The following RB1CC1 variants were observed in gnomAD, a reference collection of about 807,000 sequenced individuals.
The protein encoded by RB1CC1 is RB1 inducible coiled-coil 1.
In RB1CC1, 46 loss-of-function variants were observed where a neutral mutation model predicts 177.5. The observed-to-expected ratio is 0.26, with a 90% confidence interval of 0.20 to 0.33. The LOEUF is 0.33. Among genes scored for constraint, RB1CC1 ranks in the 10% least tolerant of loss-of-function variants. The pLI, the probability that RB1CC1 is intolerant of heterozygous loss-of-function variation, is 1.00. For missense variants in RB1CC1, 1,703 were observed against 1,816.3 expected, an observed-to-expected ratio of 0.94 and a Z score of 1.13; for synonymous variants, 666 against 613.6, an observed-to-expected ratio of 1.09 and a Z score of -1.26.
chr8:52,707,882 T>C (rs1486747683), intron 1 of RB1CC1, among the ~76,000 whole-genome samples: 1 of 152,196 alleles, frequency 6.6e-6, no homozygotes, highest in Admixed American at 6.5e-5. Flanking sequence ...AATTTACTTG[T>C]ATTTGAATAC....
Position 52,622,667 on chromosome 8 carries a change from C to T in RB1CC1, c.*1115G>A, listed in dbSNP as rs1848137554. On this transcript the variant is annotated 3_prime_UTR_variant, in exon 24 of 24. Coordinates refer to ENST00000025008, the MANE Select transcript of RB1CC1 (RefSeq NM_014781.5). ...AACAATTCTCATCCAACTCAACTAA[C>T]TCATTTAAATAACTTTGCTCAATGG... 1 of 152,034 alleles carries T rather than the reference C, an allele frequency of 6.6e-6. No homozygotes were observed. The highest frequency in any genetic ancestry group is 1.9e-4 in the East Asian group (1 of 5,198). The allele number at this position is 152,034 out of a possible 1,614,324, so 9.4% of individuals were successfully genotyped here.
intron 3 of RB1CC1, 140 bp from the exon 4 acceptor site, chr8:52,684,153 A>G: frequency 1.0e-6 from 1 of 1,003,016 alleles, no homozygotes; most frequent in Non-Finnish European, 1.4e-6. Flanking sequence ...ATAAAAATAT[A>G]AGCTTCCTAT....
chr8:52,652,459 CAAAA>C (rs35615959), intron 15 of RB1CC1, among the ~76,000 whole-genome samples: 3 of 92,676 alleles, frequency 3.2e-5, no homozygotes, highest in Admixed American at 1.1e-4. Context: ...GACTCTGTCT[CAAAA>C]AAAAAAAAAA....
chr8:52,639,766 T>C (rs79257319), intron 18 of RB1CC1, among the ~76,000 whole-genome samples: 34,875 of 152,032 alleles, frequency 0.23, 4,300 homozygotes, highest in Middle Eastern at 0.31. Context: ...TGGTTAGGTA[T>C]TGTACTGTTT....
intron 5 of RB1CC1, among the ~76,000 whole-genome samples, chr8:52,680,968 TTGTGTGTG>T (rs34048284): frequency 4.6e-5 from 6 of 131,066 alleles, no homozygotes; most frequent in Admixed American, 2.4e-4. Context: ...TTGTGGGGTT[TTGTGTGTG>T]TGTGTGTGTG....
Position 52,657,244 on chromosome 8 carries a change from T to C in RB1CC1, c.2585A>G (p.Lys862Arg). The C allele has an allele frequency of 1.3e-6, 2 of 1,595,196 alleles. No homozygotes were observed. The highest frequency in any genetic ancestry group is 1.1e-5 in the South Asian group (1 of 89,830). ...KCSLEITLKE[K>R]HQKELLSLKN... ...TAAAGACAGTAGTTCTTTTTGATGTTTTTCTTTTAGTGTTATTTCCAGAGA... is the reference window on the plus strand; with the variant it reads ...TAAAGACAGTAGTTCTTTTTGATGTCTTTCTTTTAGTGTTATTTCCAGAGA... Residue 862 changes from lysine to arginine, a missense_variant, in exon 15 of 24, where the codon AAA becomes AGA. Physicochemically the swap from Lys to Arg is conservative, Grantham distance 26. This residue lies in a region of RB1CC1 where 1,169 missense variants were observed against 1,184.7 expected (regional missense o/e 0.99). Transcript: ENST00000025008.
intron 16 of RB1CC1, among the ~76,000 whole-genome samples, chr8:52,644,658 C>A (rs1453825763): frequency 6.6e-6 from 1 of 152,100 alleles, no homozygotes; most frequent in Non-Finnish European, 1.5e-5. Context: ...GTGCTTTTCT[C>A]ATTCCCTTTT....
At chr8:52,624,692 T>C in intron 23 of RB1CC1, 25 bp downstream of exon 23, 1 of 1,532,090 alleles carries the variant, frequency 6.5e-7, no homozygotes, top group Non-Finnish European at 9.0e-7. Context: ...TTCCCAGGCT[T>C]AGTATCACAT....
At chr8:52,664,601 C>A (rs1357648917) in intron 8 of RB1CC1, among the ~76,000 whole-genome samples, 5 of 152,050 alleles carry the variant, frequency 3.3e-5, no homozygotes, top group Admixed American at 2.0e-4. Context: ...GAGCACAAGA[C>A]AACAAAAACT....
intron 15 of RB1CC1, among the ~76,000 whole-genome samples, chr8:52,647,224 C>A (rs1298748300): frequency 6.6e-6 from 1 of 152,112 alleles, no homozygotes; most frequent in Non-Finnish European, 1.5e-5. Context: ...AACCTTTCCT[C>A]CAAAGGGATA....
chr8:52,680,997 T>TGTGG (rs1554548540), intron 5 of RB1CC1, among the ~76,000 whole-genome samples: 1 of 146,316 alleles, frequency 6.8e-6, no homozygotes. Context: ...TGTGTGTGTT[T>TGTGG]TTTTTTTTTT....
intron 18 of RB1CC1, among the ~76,000 whole-genome samples, chr8:52,637,507 T>G (rs201532056): frequency 6.6e-6 from 1 of 152,080 alleles, no homozygotes; most frequent in Non-Finnish European, 1.5e-5. Flanking sequence ...CCAGCTCCAA[T>G]TGATTTTTGC....
rs146902428 is a variant in RB1CC1 at position 52,640,479 on chromosome 8, T to A, written c.4337+1872A>T. On this transcript the variant is annotated intron_variant, in intron 18 of 23. Transcript: ENST00000025008. ...TCACACTGTAAACCATAAATATGTA[T>A]AATTTATGTGTCAATCAAAAAAGCC... 9.1e-3 allele frequency among the ~76,000 whole-genome samples: 1,390 copies of A among 152,352 alleles called. 19 individuals carry two copies. Among genetic ancestry groups the A allele is most frequent in the African/African-American group, 0.032 (1,322 of 41,582 alleles).
Position 52,685,455 on chromosome 8 carries a change from T to A in RB1CC1, c.15A>T (p.Val5=), listed in dbSNP as rs759472217. The A allele has an allele frequency of 6.3e-7, 1 of 1,591,348 alleles. No homozygotes were observed. Among genetic ancestry groups the A allele is most frequent in the Non-Finnish European group, 8.6e-7 (1 of 1,163,126 alleles). ...GAGTAGTTCCAGTGTTAACCAGAAATACATATAACTTCATGATGATTTATC... is the reference window on the plus strand; with the variant it reads ...GAGTAGTTCCAGTGTTAACCAGAAAAACATATAACTTCATGATGATTTATC... MKLY[V]FLVNTGTTLT... Residue 5 remains valine, a synonymous_variant, in exon 3 of 24, where the codon GTA becomes GTT. Transcript: ENST00000025008.
intron 1 of RB1CC1, among the ~76,000 whole-genome samples, chr8:52,698,670 G>GTTTTTTTTTTTTTTTTTT (rs1183407164): frequency 2.6e-5 from 2 of 77,400 alleles, no homozygotes; most frequent in Non-Finnish European, 2.4e-5. Context: ...GTAATGGTTG[G>GTTTTTTTTTTTTTTTTTT]TTTTTTTTTT....
At chr8:52,652,538 T>A (rs1371490287) in intron 15 of RB1CC1, among the ~76,000 whole-genome samples, 2 of 151,978 alleles carry the variant, frequency 1.3e-5, no homozygotes, top group African/African-American at 4.8e-5. Flanking sequence ...TTCAATTTCT[T>A]GCCATTAATT....
At chr8:52,711,091 G>C (rs544073025) in intron 1 of RB1CC1, among the ~76,000 whole-genome samples, 2 of 151,892 alleles carry the variant, frequency 1.3e-5, no homozygotes, top group Non-Finnish European at 2.9e-5. Flanking sequence ...GCAAACTAAC[G>C]GGTAGAAAAA....
chr8:52,645,747 A>G lies in RB1CC1; in HGVS notation c.3942T>C (p.Asn1314=). 1 of 1,612,852 alleles carries G rather than the reference A, an allele frequency of 6.2e-7. No homozygotes were observed. Among genetic ancestry groups the G allele is most frequent in the South Asian group, 1.1e-5 (1 of 90,822 alleles). The change falls in exon 16 of 24, where the codon AAT becomes AAC. Residue 1314 remains asparagine, a synonymous_variant. Transcript: ENST00000025008. ...EQLEEQEKRK[N]EEMQNVRTSL... ...ATGTTCGAACATTTTGCATTTCTTCATTCTTTCTTTTTTCTTGCTCTTCAA... is the reference window on the plus strand; with the variant it reads ...ATGTTCGAACATTTTGCATTTCTTCGTTCTTTCTTTTTTCTTGCTCTTCAA...
At position 52,640,677 on chromosome 8, in the gene RB1CC1, T is replaced by C. The variant is rs1319242695; in HGVS notation, c.4337+1674A>G. ...TTTTTTTAAAGAGGTTTTCATACGG[T>C]GGTTCACTTTTTTCACACATGTCCG... On this transcript the variant is annotated intron_variant, in intron 18 of 23. Transcript: ENST00000025008. Among the ~76,000 whole-genome samples the C allele has an allele frequency of 1.3e-5, 2 of 152,174 alleles. 1 individual carries two copies. Among genetic ancestry groups the C allele is most frequent in the Non-Finnish European group, 2.9e-5 (2 of 68,036 alleles).
Sources: allele counts gnomAD v4.1 joint callset (sites outside exome capture counted in the v4.1 genomes callset), GRCh38; gene constraint gnomAD v4.1.1; regional missense constraint gnomAD v4.1.1; transcripts MANE v1.5; gene names NCBI Gene and HGNC (gene_info 2026-07-23, HGNC 2026-07-21).